Variants in ZMYND8 observed in about 807,000 individuals in gnomAD.
ZMYND8 encodes the protein MYND-type zinc finger-containing chromatin reader ZMYND8.
ZMYND8 carries 37 observed loss-of-function variants against 140.8 expected under a neutral mutation model. The ratio of observed to expected loss-of-function variants is 0.26; its 90% CI spans 0.20 to 0.35. ZMYND8 has a LOEUF of 0.35. ZMYND8 is among the 10% of genes least tolerant of loss of function. The pLI is 1.00. For synonymous variants in ZMYND8, 592 were observed against 597.1 expected (o/e 0.99, Z 0.12); for missense variants, 1,068 against 1,570.0 (o/e 0.68, Z 5.40).
intron 11 of ZMYND8, among the ~76,000 whole-genome samples, chr20:47,270,265 C>T (rs1024089141): frequency 2.7e-5 from 4 of 147,504 alleles, no homozygotes; most frequent in African/African-American, 7.6e-5. Flanking sequence ...CCCAGCTACT[C>T]GGGAGGCTGA....
intron 15 of ZMYND8, 135 bp downstream of exon 15, chr20:47,238,623 G>T: frequency 2.1e-6 from 3 of 1,437,306 alleles, no homozygotes; most frequent in Non-Finnish European, 2.8e-6. Context: ...AATGGAATGT[G>T]CAAGGCCTTC....
chr20:47,210,957 C>T (rs1247226621), intron 22 of ZMYND8, 60 bp from the exon 23 acceptor site: 2 of 1,582,784 alleles, frequency 1.3e-6, no homozygotes, highest in Non-Finnish European at 1.7e-6. Context: ...GCACAACTAT[C>T]CTGCAATCTG....
intron 11 of ZMYND8, among the ~76,000 whole-genome samples, chr20:47,263,627 T>G (rs915419589): frequency 5.3e-5 from 8 of 152,192 alleles, no homozygotes; most frequent in Non-Finnish European, 1.0e-4. Context: ...AAGCACAGAT[T>G]AGAAGCCAGA....
At chr20:47,252,291 C>CAAAAA (rs144291181) in intron 12 of ZMYND8, among the ~76,000 whole-genome samples, 2 of 68,942 alleles carry the variant, frequency 2.9e-5, no homozygotes, top group African/African-American at 6.2e-5. Flanking sequence ...GACTCTGTCT[C>CAAAAA]AAAAAAAAAA....
intron 14 of ZMYND8, 137 bp from the exon 15 acceptor site, chr20:47,239,275 C>A (rs971784879): frequency 8.4e-7 from 1 of 1,195,222 alleles, no homozygotes; most frequent in African/African-American, 1.5e-5. Flanking sequence ...GCCAAGCACA[C>A]CGCGCTGGAG....
intron 19 of ZMYND8, 100 bp downstream of exon 19, chr20:47,224,217 G>C (rs2037384412): frequency 3.2e-6 from 5 of 1,544,664 alleles, no homozygotes; most frequent in Admixed American, 1.9e-5. Flanking sequence ...AGCCAGGCAA[G>C]CTCCCTTGAC....
At chr20:47,294,859 T>A in intron 4 of ZMYND8, 80 bp from the exon 5 acceptor site, 1 of 1,345,962 alleles carries the variant, frequency 7.4e-7, no homozygotes, top group Non-Finnish European at 1.1e-6. Flanking sequence ...ATTTTTTCAG[T>A]CAACTGACAG....
At chr20:47,291,069 A>G (rs558610599) in intron 6 of ZMYND8, among the ~76,000 whole-genome samples, 1 of 152,294 alleles carries the variant, frequency 6.6e-6, no homozygotes, top group East Asian at 1.9e-4. Flanking sequence ...TAATTAATAT[A>G]AAGTCAGGTT....
intron 1 of ZMYND8, chr20:47,352,116 G>A (rs2082834292): frequency 1.5e-5 from 10 of 665,096 alleles, no homozygotes; most frequent in Non-Finnish European, 1.7e-5. Flanking sequence ...CAGACGGACA[G>A]GTGTCTGTGC....
intron 17 of ZMYND8, among the ~76,000 whole-genome samples, chr20:47,228,350 G>A (rs1033770837): frequency 3.9e-5 from 6 of 152,140 alleles, no homozygotes; most frequent in Admixed American, 1.3e-4. Flanking sequence ...ATTAATTCAC[G>A]TAGTGTGAAC....
chr20:47,227,380 T>A (rs1469925901), intron 17 of ZMYND8, 99 bp from the exon 18 acceptor site: 3 of 1,137,774 alleles, frequency 2.6e-6, no homozygotes, highest in Non-Finnish European at 3.9e-6. Context: ...GGTATGGGAA[T>A]CATGCTAACC....
chr20:47,255,617 A>C (rs1176833987), intron 12 of ZMYND8, among the ~76,000 whole-genome samples: 7 of 139,482 alleles, frequency 5.0e-5, no homozygotes, highest in African/African-American at 1.9e-4. Flanking sequence ...TATACACACC[A>C]TATACATATA....
At chr20:47,293,886 G>A (rs1288698483) in intron 5 of ZMYND8, among the ~76,000 whole-genome samples, 6 of 152,278 alleles carry the variant, frequency 3.9e-5, no homozygotes, top group East Asian at 1.9e-4. Context: ...TCCTGTTCTC[G>A]TGATAGTGAG....
intron 12 of ZMYND8, among the ~76,000 whole-genome samples, chr20:47,252,617 T>C (rs2074281485): frequency 6.6e-6 from 1 of 152,152 alleles, no homozygotes; most frequent in Non-Finnish European, 1.5e-5. Flanking sequence ...ACCAACAAAC[T>C]TTCTTTGTAA....
intron 2 of ZMYND8, among the ~76,000 whole-genome samples, chr20:47,327,256 C>G (rs2080510414): frequency 6.6e-6 from 1 of 152,056 alleles, no homozygotes; most frequent in Admixed American, 6.5e-5. Flanking sequence ...CCGCCCACCT[C>G]AGCCTCCCAA....
At chr20:47,220,604 A>G (rs1339048663) in intron 20 of ZMYND8, among the ~76,000 whole-genome samples, 28 of 151,500 alleles carry the variant, frequency 1.8e-4, no homozygotes, top group Admixed American at 1.8e-3. Context: ...CACTAACAGA[A>G]CCCCCTCCAG....
chr20:47,311,841 G>A (rs1178797480), intron 2 of ZMYND8, among the ~76,000 whole-genome samples: 3 of 152,184 alleles, frequency 2.0e-5, no homozygotes, highest in Non-Finnish European at 4.4e-5. Flanking sequence ...CTGCACTCAA[G>A]CCTGGGTGAC....
chr20:47,317,742 G>A (rs141989220), intron 2 of ZMYND8, among the ~76,000 whole-genome samples: 22 of 152,262 alleles, frequency 1.4e-4, no homozygotes, highest in Admixed American at 4.6e-4. Flanking sequence ...GGTTGCAAAC[G>A]ACAGAGAGGC....
At chr20:47,247,317 C>T (rs1449333877) in intron 13 of ZMYND8, among the ~76,000 whole-genome samples, 1 of 152,200 alleles carries the variant, frequency 6.6e-6, no homozygotes, top group Non-Finnish European at 1.5e-5. Flanking sequence ...AGGCGGGGGA[C>T]ACACTTGTCT....
Sources: gnomAD v4.1 joint callset for allele counts (sites outside exome capture counted in the v4.1 genomes callset) on GRCh38, gnomAD v4.1.1 for gene constraint, MANE v1.5 for transcripts, NCBI Gene and HGNC (gene_info 2026-07-23, HGNC 2026-07-21) for gene names.